Variants in NDUFS1 observed in about 807,000 individuals in gnomAD.
NDUFS1 encodes NADH-ubiquinone oxidoreductase 75 kDa subunit, mitochondrial.
NDUFS1 carries 61 observed loss-of-function variants against 84.4 expected under a neutral mutation model. The observed-to-expected ratio is 0.72, with a 90% confidence interval of 0.59 to 0.89. NDUFS1 has a LOEUF of 0.89. NDUFS1 is among the 40% of genes least tolerant of loss of function. NDUFS1 has a pLI of 0.00. For synonymous variants in NDUFS1, 275 were observed against 290.0 expected, an observed-to-expected ratio of 0.95 and a Z score of 0.53; for missense variants, 891 against 890.0, an observed-to-expected ratio of 1.00 and a Z score of -0.01.
chr2:206,131,804 T>C (rs1691521681), intron 14 of NDUFS1, among the ~76,000 whole-genome samples: 1 of 152,074 alleles, frequency 6.6e-6, no homozygotes, highest in Admixed American at 6.6e-5. Flanking sequence ...CCTGGCATAG[T>C]GGCACGCGCC....
chr2:206,143,890 T>G, intron 10 of NDUFS1, 128 bp downstream of exon 10: 1 of 763,924 alleles, frequency 1.3e-6, no homozygotes, highest in Non-Finnish European at 2.2e-6. Flanking sequence ...GTCTGTAAAA[T>G]GGAAGGAGAT....
chr2:206,144,309 TG>T (rs1692077440), intron 9 of NDUFS1, among the ~76,000 whole-genome samples, 177 bp from the exon 10 acceptor site: 1 of 152,230 alleles, frequency 6.6e-6, no homozygotes, highest in Admixed American at 6.5e-5. Context: ...ATAGATTTTA[TG>T]AACTTCACCT....
intron 15 of NDUFS1, among the ~76,000 whole-genome samples, chr2:206,128,196 C>T (rs1044535980): frequency 3.3e-5 from 5 of 151,506 alleles, no homozygotes; most frequent in African/African-American, 1.2e-4. Context: ...GATGGAGTCT[C>T]GCTCTGTCGC....
chr2:206,152,561 C>G lies in NDUFS1; in HGVS notation c.62-51G>C, dbSNP rs768806895. 12 of 1,487,482 alleles carry G rather than the reference C, an allele frequency of 8.1e-6. No individual in the cohort carries two copies. The South Asian group carries it at 1.0e-4, about 13-fold the overall frequency. The allele number at this position is 1,487,482 out of a possible 1,614,324, so 92.1% of individuals were successfully genotyped here. ...AAAACAGATTAACAGTTTATTATAG[C>G]AGATGATAATGGATGAATTGACTCT... On this transcript the variant is annotated intron_variant, in intron 2 of 18. Transcript: ENST00000233190.
chr2:206,119,370 CAAACAAT>C lies in NDUFS1; in HGVS notation c.*4808_*4814del, dbSNP rs1257731281. The C allele has an allele frequency of 6.6e-6, 1 of 152,136 alleles. No homozygotes were observed. The highest frequency in any genetic ancestry group is 2.4e-5 in the African/African-American group (1 of 41,442). 9.4% of individuals were successfully genotyped at this position (152,136 alleles called of 1,614,324 possible). On this transcript the variant is annotated 3_prime_UTR_variant, in exon 19 of 19. Transcript: ENST00000233190. ...TTAAAGAAAATGTTAATGTCAACAA[CAAACAAT>C]AAATTGGTACTGGGTATTGTCAAAT... is the stretch of plus-strand genomic sequence containing the variant.
At chr2:206,145,089 G>C in intron 8 of NDUFS1, 63 bp from the exon 9 acceptor site, 1 of 1,498,706 alleles carries the variant, frequency 6.7e-7, no homozygotes. Context: ...TCTGTTACCT[G>C]GTTTACCAAA....
At chr2:206,159,032 T>C (rs773235142) in intron 1 of NDUFS1, 9 of 1,514,770 alleles carry the variant, frequency 5.9e-6, no homozygotes, top group Non-Finnish European at 8.0e-6. Context: ...TAAAACGGCC[T>C]CCTCCTCTGA....
At chr2:206,127,686 A>T in intron 16 of NDUFS1, 111 bp downstream of exon 16, 1 of 1,144,990 alleles carries the variant, frequency 8.7e-7, no homozygotes, top group South Asian at 1.3e-5. Flanking sequence ...TATTCAAATC[A>T]TCTCTGCATT....
At chr2:206,159,040 TGA>T in intron 1 of NDUFS1, 1 of 1,528,222 alleles carries the variant, frequency 6.5e-7, no homozygotes, top group Non-Finnish European at 8.8e-7. Context: ...CCTCCTCCTC[TGA>T]GAGGGAAATG....
In NDUFS1 at chr2:206,119,770, G is replaced by A. The variant is rs1691045175; in HGVS notation, c.*4415C>T. On this transcript the variant is annotated 3_prime_UTR_variant, in exon 19 of 19. Coordinates refer to ENST00000233190, the MANE Select transcript of NDUFS1 (RefSeq NM_005006.7). ...AATACAATTTACTACAAATTTGAGG[G>A]GGGAGGCTTTCCATATGGAATTCAA... 6.6e-6 allele frequency: 1 copy of A among 152,052 alleles called. No individual in the cohort carries two copies. Among genetic ancestry groups the A allele is most frequent in the African/African-American group, 2.4e-5 (1 of 41,392 alleles). The allele number at this position is 152,052 out of a possible 1,614,324, so 9.4% of individuals were successfully genotyped here.
chr2:206,136,436 T>C (rs1045630662), intron 13 of NDUFS1, among the ~76,000 whole-genome samples: 2 of 122,130 alleles, frequency 1.6e-5, no homozygotes, highest in Admixed American at 1.8e-4. Context: ...GGTTTTTTTT[T>C]TGTTTTTTTT....
In NDUFS1 at chr2:206,116,521, G is replaced by A; in HGVS notation, c.*7664C>T. 1 of 1,138,518 alleles carries A rather than the reference G, an allele frequency of 8.8e-7. No homozygotes were observed. The highest frequency in any genetic ancestry group is 1.3e-6 in the Non-Finnish European group (1 of 792,032). 70.5% of individuals were successfully genotyped at this position (1,138,518 alleles called of 1,614,324 possible). A position where few individuals can be genotyped will look rare whatever the true frequency, so the allele number is the denominator to read the frequency against. On this transcript the variant is annotated 3_prime_UTR_variant, in exon 19 of 19. Coordinates refer to ENST00000233190, the MANE Select transcript of NDUFS1 (RefSeq NM_005006.7). ...GCCATGTTCCCAGGGGTGCGGGGAT[G>A]GCAGCGCTACGCCTCAGCCACTCGC...
chr2:206,150,044 T>C, intron 3 of NDUFS1, 119 bp from the exon 4 acceptor site: 1 of 729,010 alleles, frequency 1.4e-6, no homozygotes, highest in East Asian at 2.6e-5. Context: ...TATCTATCTA[T>C]CTATCTATCT....
chr2:206,159,039 C>G (rs1559070632), intron 1 of NDUFS1: 18 of 1,528,158 alleles, frequency 1.2e-5, no homozygotes, highest in Non-Finnish European at 1.3e-5. Flanking sequence ...GCCTCCTCCT[C>G]TGAGAGGGAA....
intron 12 of NDUFS1, among the ~76,000 whole-genome samples, chr2:206,139,871 T>TAAAAAAAA (rs35564839): frequency 1.9e-5 from 2 of 103,584 alleles, no homozygotes; most frequent in Non-Finnish European, 3.8e-5. Flanking sequence ...CTTGTGTTCT[T>TAAAAAAAA]AAAAAAAAAA....
Position 206,116,304 on chromosome 2 carries a change from T to C in NDUFS1, c.*7881A>G. On this transcript the variant is annotated 3_prime_UTR_variant, in exon 19 of 19. Transcript: ENST00000233190. ...CCTGATAAAGGAGAATAGAGTTCAC[T>C]AGCAGCTTTCACACTCTCCAAAGCA... 2 of 918,700 alleles carry C rather than the reference T, an allele frequency of 2.2e-6. No individual in the cohort carries two copies. Among genetic ancestry groups the C allele is most frequent in the Non-Finnish European group, 3.7e-6 (2 of 544,298 alleles). 56.9% of individuals were successfully genotyped at this position (918,700 alleles called of 1,614,324 possible).
chr2:206,118,600 A>G lies in NDUFS1; in HGVS notation c.*5585T>C, dbSNP rs1208979915. On this transcript the variant is annotated 3_prime_UTR_variant, in exon 19 of 19. Transcript: ENST00000233190. ...GAGATCATGCCATGCATTGCACTCC[A>G]GTCTGGGTAACAGAGCCAGAATCTT... The G allele has an allele frequency of 6.6e-6, 1 of 151,872 alleles. No homozygotes were observed. Among genetic ancestry groups the G allele is most frequent in the African/African-American group, 2.4e-5 (1 of 41,388 alleles). The allele number at this position is 151,872 out of a possible 1,614,324, so 9.4% of individuals were successfully genotyped here. A position where few individuals can be genotyped will look rare whatever the true frequency, so the allele number is the denominator to read the frequency against.
At position 206,147,808 on chromosome 2, in the gene NDUFS1, G is replaced by A; in HGVS notation, c.365C>T (p.Ala122Val). The A allele has an allele frequency of 6.2e-7, 1 of 1,614,026 alleles. No individual in the cohort carries two copies. Among genetic ancestry groups the A allele is most frequent in the East Asian group, 2.2e-5 (1 of 44,882 alleles). Reference protein sequence around the residue: ...AREGVMEFLLANHPLDCPICD... With the variant: ...AREGVMEFLLVNHPLDCPICD... ...AATAGGACAGTCCAATGGGTGATTT[G>A]CTAATAAGAACTCCATCACACCTTC... Residue 122 changes from alanine (A) to valine (V), a missense_variant, in exon 6 of 19, where the codon GCA (alanine) becomes GTA (valine). Physicochemically the swap from Ala to Val is moderately conservative, Grantham distance 64. Coordinates refer to ENST00000233190, the MANE Select transcript of NDUFS1 (RefSeq NM_005006.7).
At position 206,149,836 on chromosome 2, in the gene NDUFS1, T is replaced by G; in HGVS notation, c.243A>C (p.Glu81Asp). ...CAAGTACCTTAGGGGCTTTCTCAAT[T>G]TCAACAAGGCACATCCTGCAGTTTC... ...VAGNCRMCLV[E>D]IEKAPKVVAA... The change falls in exon 4 of 19, where the codon GAA becomes GAC. Residue 81 changes from glutamate (E) to aspartate (D), a missense_variant. Physicochemically the swap from Glu to Asp is conservative, Grantham distance 45. Transcript: ENST00000233190. 1 of 1,612,158 alleles carries G rather than the reference T, an allele frequency of 6.2e-7. No individual in the cohort carries two copies. Among genetic ancestry groups the G allele is most frequent in the Non-Finnish European group, 8.5e-7 (1 of 1,179,646 alleles).
Sources: gnomAD v4.1 joint callset for allele counts (sites outside exome capture counted in the v4.1 genomes callset) on GRCh38, gnomAD v4.1.1 for gene constraint, MANE v1.5 for transcripts, NCBI Gene and HGNC (gene_info 2026-07-23, HGNC 2026-07-21) for gene names.